LRRC49: variants seen among roughly 807,000 people sequenced by gnomAD.
LRRC49 encodes the protein leucine-rich repeat-containing protein 49.
Under a neutral mutation model 83.3 loss-of-function variants are expected in LRRC49, and 50 were observed. That is an observed-to-expected ratio of 0.60 (90% CI 0.48 to 0.76). The LOEUF is 0.76. LRRC49 is among the 30% of genes least tolerant of loss of function. The pLI is 0.00. For synonymous variants in LRRC49, 286 were observed against 283.3 expected (o/e 1.01, Z -0.10); for missense variants, 704 against 809.1 (o/e 0.87, Z 1.58).
intron 6 of LRRC49, among the ~76,000 whole-genome samples, chr15:70,912,883 T>C (rs2034607060): frequency 6.6e-6 from 1 of 152,100 alleles, no homozygotes; most frequent in Non-Finnish European, 1.5e-5. Flanking sequence ...TTCACCATGT[T>C]AGCCAGGATG....
intron 11 of LRRC49, among the ~76,000 whole-genome samples, chr15:71,007,718 TATATATA>T (rs2038507128): frequency 5.8e-5 from 1 of 17,222 alleles, no homozygotes; most frequent in Non-Finnish European, 1.7e-4. Flanking sequence ...TGTATATATA[TATATATA>T]TATATATATA....
intron 14 of LRRC49, among the ~76,000 whole-genome samples, chr15:71,026,596 C>T (rs540776965): frequency 1.5e-4 from 23 of 152,278 alleles, no homozygotes; most frequent in Non-Finnish European, 2.6e-4. Flanking sequence ...TCCACAGCTT[C>T]GCCAGCATCT....
chr15:70,874,306 A>G (rs1249150480), intron 2 of LRRC49, among the ~76,000 whole-genome samples: 2 of 152,202 alleles, frequency 1.3e-5, no homozygotes, highest in Non-Finnish European at 2.9e-5. Flanking sequence ...TCTCAAAGAC[A>G]GGGATTAAGA....
intron 2 of LRRC49, among the ~76,000 whole-genome samples, chr15:70,880,962 G>A (rs926049153): frequency 6.6e-6 from 1 of 152,220 alleles, no homozygotes; most frequent in African/African-American, 2.4e-5. Flanking sequence ...AGTGACTCAT[G>A]CCTGTAATCC....
chr15:70,960,823 A>G (rs1490963886), intron 8 of LRRC49, among the ~76,000 whole-genome samples: 1 of 152,236 alleles, frequency 6.6e-6, no homozygotes, highest in Non-Finnish European at 1.5e-5. Flanking sequence ...CAAAACCATT[A>G]AACTTCTAAA....
intron 7 of LRRC49, among the ~76,000 whole-genome samples, chr15:70,920,416 A>G (rs957489193): frequency 1.3e-5 from 2 of 152,222 alleles, no homozygotes; most frequent in Non-Finnish European, 2.9e-5. Context: ...CCCAGATTAG[A>G]TACAATACTG....
At chr15:70,940,587 G>A (rs2035778483) in intron 8 of LRRC49, among the ~76,000 whole-genome samples, 1 of 152,168 alleles carries the variant, frequency 6.6e-6, no homozygotes. Context: ...TAGTATTCCT[G>A]TAGTTGAGAT....
At chr15:70,942,805 G>A (rs1050449226) in intron 8 of LRRC49, among the ~76,000 whole-genome samples, 3 of 152,170 alleles carry the variant, frequency 2.0e-5, no homozygotes, top group South Asian at 2.1e-4. Flanking sequence ...GGGACAACTC[G>A]AAGTGGGGGG....
rs988544518 is a variant in LRRC49 at position 71,051,481 on chromosome 15, A to G, written c.*1869A>G. On this transcript the variant is annotated 3_prime_UTR_variant, in exon 16 of 16. Coordinates refer to ENST00000260382, the MANE Select transcript of LRRC49 (RefSeq NM_017691.5). ...CTCCTGGGCTTATATCTTGTTTGGTATAGAAATGAGATCCCAGCTTGAAGG... is the reference window on the plus strand; with the variant it reads ...CTCCTGGGCTTATATCTTGTTTGGTGTAGAAATGAGATCCCAGCTTGAAGG... The G allele has an allele frequency of 4.6e-5, 7 of 152,206 alleles. No individual in the cohort carries two copies. The highest frequency in any genetic ancestry group is 1.0e-4 in the Non-Finnish European group (7 of 68,088). 9.4% of individuals were successfully genotyped at this position (152,206 alleles called of 1,614,324 possible).
intron 8 of LRRC49, among the ~76,000 whole-genome samples, chr15:70,949,848 C>T (rs192808612): frequency 2.8e-4 from 42 of 151,888 alleles, no homozygotes; most frequent in East Asian, 9.7e-4. Context: ...GCTACATATG[C>T]GGGTTTGTTA....
intron 14 of LRRC49, among the ~76,000 whole-genome samples, chr15:71,027,189 T>G (rs2039199957): frequency 6.6e-6 from 1 of 152,216 alleles, no homozygotes; most frequent in Admixed American, 6.5e-5. Flanking sequence ...GCACCATTTA[T>G]TAAATAGGGA....
chr15:71,042,764 A>G (rs953659056), intron 15 of LRRC49, among the ~76,000 whole-genome samples: 8 of 152,152 alleles, frequency 5.3e-5, no homozygotes, highest in South Asian at 4.1e-4. Context: ...TGACTCATCT[A>G]AAAAAGATTT....
intron 7 of LRRC49, among the ~76,000 whole-genome samples, chr15:70,924,643 C>T (rs2035129597): frequency 6.6e-6 from 1 of 151,800 alleles, no homozygotes; most frequent in Non-Finnish European, 1.5e-5. Flanking sequence ...CTATTGTTTC[C>T]AGTCAGTGCT....
intron 2 of LRRC49, chr15:70,895,628 C>T: frequency 2.3e-6 from 1 of 429,864 alleles, no homozygotes; most frequent in Non-Finnish European, 4.1e-6. Context: ...TTCCCATTCC[C>T]TGCTTCCCTT....
intron 14 of LRRC49, among the ~76,000 whole-genome samples, chr15:71,026,904 CTGA>C (rs1352133971): frequency 2.2e-4 from 33 of 152,152 alleles, no homozygotes; most frequent in Admixed American, 2.1e-3. Flanking sequence ...CCTGTTCACT[CTGA>C]TGATAGTTTC....
At chr15:70,961,109 T>C (rs1307943274) in intron 8 of LRRC49, among the ~76,000 whole-genome samples, 2 of 152,048 alleles carry the variant, frequency 1.3e-5, no homozygotes, top group Non-Finnish European at 2.9e-5. Flanking sequence ...CAATTTAAAA[T>C]AGGCAAAAGA....
intron 14 of LRRC49, among the ~76,000 whole-genome samples, chr15:71,023,433 T>G (rs115269564): frequency 6.6e-6 from 1 of 152,158 alleles, no homozygotes; most frequent in Admixed American, 6.5e-5. Flanking sequence ...GGCCAACTAG[T>G]AGTAGCTGTG....
intron 11 of LRRC49, among the ~76,000 whole-genome samples, chr15:70,996,193 A>G (rs1390506986): frequency 6.6e-6 from 1 of 152,156 alleles, no homozygotes; most frequent in Non-Finnish European, 1.5e-5. Flanking sequence ...AGGGATAAAT[A>G]GTATATAACT....
intron 14 of LRRC49, among the ~76,000 whole-genome samples, chr15:71,035,143 T>C (rs1161228939): frequency 6.6e-6 from 1 of 152,148 alleles, no homozygotes; most frequent in Non-Finnish European, 1.5e-5. Flanking sequence ...ACCAATTAAG[T>C]AAATTGTGAT....
Sources: allele counts gnomAD v4.1 joint callset (sites outside exome capture counted in the v4.1 genomes callset), GRCh38; gene constraint gnomAD v4.1.1; transcripts MANE v1.5; gene names NCBI Gene and HGNC (gene_info 2026-07-23, HGNC 2026-07-21).